OTOGL: variants seen among roughly 807,000 people sequenced by gnomAD.
OTOGL encodes the protein otogelin-like protein.
Under a neutral mutation model 318.5 loss-of-function variants are expected in OTOGL, and 285 were observed. The observed-to-expected ratio is 0.89, with a 90% CI of 0.81 to 0.99. The LOEUF (loss-of-function observed/expected upper bound fraction) is 0.99, where lower values mean the gene tolerates loss of function less well. Ranked by LOEUF, OTOGL falls within the 50% of genes least tolerant of loss-of-function variation. The probability of loss-of-function intolerance (pLI) is 0.00; values close to 1 mark genes in which losing one functional copy is unlikely to be tolerated. For synonymous variants in OTOGL, 987 were observed against 936.5 expected, an observed-to-expected ratio of 1.05 and a Z score of -0.99; for missense variants, 2,899 against 2,845.6, an observed-to-expected ratio of 1.02 and a Z score of -0.43.
chr12:80,110,383 C>T (rs1869764890), intron 1 of OTOGL, among the ~76,000 whole-genome samples: 1 of 152,060 alleles, frequency 6.6e-6, no homozygotes, highest in Admixed American at 6.6e-5. Flanking sequence ...AGGTATTTCT[C>T]CTAATGCTAT....
rs753442888 is a variant in OTOGL, at chr12:80,355,763, G to A, written c.5621G>A (p.Arg1874His). The A allele has an allele frequency of 6.8e-6, 11 of 1,613,570 alleles. No homozygotes were observed. The highest frequency in any genetic ancestry group is 1.7e-5 in the Admixed American group (1 of 59,946). ...CACTDSEDQP[R>H]TAGEIWNGGI... Reference sequence around the variant, plus strand: ...TGCACTGATAGTGAAGACCAACCCCGCACTGCTGGGGAGATTTGGAATGGG... The same window carrying A: ...TGCACTGATAGTGAAGACCAACCCCACACTGCTGGGGAGATTTGGAATGGG... The change falls in exon 47 of 59, where the codon CGC becomes CAC. Residue 1874 changes from arginine to histidine, a missense_variant. Arg to His is a conservative substitution (Grantham distance 29). Transcript: ENST00000547103.
At chr12:80,109,636 G>A (rs1869705237) in intron 1 of OTOGL, among the ~76,000 whole-genome samples, 1 of 152,152 alleles carries the variant, frequency 6.6e-6, no homozygotes, top group Admixed American at 6.5e-5. Context: ...AGGGATCCAT[G>A]TCTCTTCAAT....
intron 1 of OTOGL, among the ~76,000 whole-genome samples, chr12:80,129,116 C>A (rs752885012): frequency 3.9e-5 from 6 of 152,250 alleles, no homozygotes; most frequent in South Asian, 2.1e-4. Flanking sequence ...AGAAGTCATT[C>A]GACTTCTGCG....
intron 24 of OTOGL, among the ~76,000 whole-genome samples, chr12:80,277,892 T>C (rs1883927909): frequency 6.6e-6 from 1 of 151,504 alleles, no homozygotes; most frequent in African/African-American, 2.4e-5. Flanking sequence ...TATTAGAAAT[T>C]TAGGCTTCTG....
At position 80,123,890 on chromosome 12, in the gene OTOGL, T is replaced by G. The variant is rs539619374; in HGVS notation, c.-20+24285T>G. Among the ~76,000 whole-genome samples the G allele has an allele frequency of 7.3e-3, 1,113 of 152,220 alleles. 32 individuals carry two copies. Among genetic ancestry groups the G allele is most frequent in the East Asian group, 0.048 (249 of 5,184 alleles). On this transcript the variant is annotated intron_variant, in intron 1 of 58. Transcript: ENST00000547103. ...GCCCACTTTTTGATGGGGTTGTTTG[T>G]TTTTTTCTTGTAAATTTGTTTGAGT...
At chr12:80,307,447 CCA>C (rs1565971244) in intron 29 of OTOGL, among the ~76,000 whole-genome samples, 2 of 147,722 alleles carry the variant, frequency 1.4e-5, no homozygotes, top group African/African-American at 5.1e-5. Flanking sequence ...CTGACCCCCC[CCA>C]CCTCCCTCCT....
At position 80,353,369 on chromosome 12, in the gene OTOGL, C is replaced by T. The variant is rs772444738; in HGVS notation, c.5452C>T (p.Pro1818Ser). The change falls in exon 46 of 59, where the codon CCT (proline) becomes TCT (serine). Residue 1818 changes from proline to serine, a missense_variant. Pro to Ser is a moderately conservative substitution (Grantham distance 74). Transcript: ENST00000547103. ...EGKEYQPCVR[P>S]CEARTCLNQW... Reference sequence around the variant, plus strand: ...GAAGGAATATCAACCCTGTGTGCGACCTTGTGAAGCAAGAACATGCCTGAA... The same window carrying T: ...GAAGGAATATCAACCCTGTGTGCGATCTTGTGAAGCAAGAACATGCCTGAA... The T allele has an allele frequency of 1.2e-6, 2 of 1,600,076 alleles. No homozygotes were observed. The highest frequency in any genetic ancestry group is 1.7e-6 in the Non-Finnish European group (2 of 1,172,964).
rs776712151 is a variant in OTOGL, at chr12:80,266,404, C to T, written c.2225-47C>T. On this transcript the variant is annotated intron_variant, in intron 20 of 58. Coordinates refer to ENST00000547103, the MANE Select transcript of OTOGL (RefSeq NM_001378609.3). Reference sequence around the variant, plus strand: ...ACCTCTAAGGAGGCATAAAATGTTTCTATGTGCCATGGCAATCTTTCTCAA... The same window carrying T: ...ACCTCTAAGGAGGCATAAAATGTTTTTATGTGCCATGGCAATCTTTCTCAA... The T allele has an allele frequency of 1.1e-4, 173 of 1,592,120 alleles. 1 individual carries two copies. The highest frequency in any genetic ancestry group is 1.7e-5 in the Admixed American group (1 of 59,054).
intron 28 of OTOGL, 62 bp from the exon 29 acceptor site, chr12:80,305,514 T>C: frequency 7.9e-7 from 1 of 1,267,576 alleles, no homozygotes; most frequent in African/African-American, 1.5e-5. Flanking sequence ...TTTTAATGAA[T>C]ATGAGTCTTT....
In OTOGL at chr12:80,265,209, T is replaced by G; in HGVS notation, c.2223T>G (p.Cys741Trp). Residue 741 changes from cysteine (C) to tryptophan (W), a missense_variant and splice_region_variant, in exon 20 of 59, where the codon TGT (cysteine) becomes TGG (tryptophan). By Grantham distance (215) the Cys-to-Trp change is radical. This residue lies in a region of OTOGL where 2,607 missense variants were observed against 2,524.9 expected (regional missense o/e 1.03). Transcript: ENST00000547103. ...PIDFRTQISF[C>W]AVVCQKGMLY... ...ATTTCAGAACTCAGATTTCTTTCTG[T>G]GGTGAGTACAATGGCACAGATAAAG... 6.2e-7 allele frequency: 1 copy of G among 1,612,150 alleles called. No individual in the cohort carries two copies. Among genetic ancestry groups the G allele is most frequent in the Non-Finnish European group, 8.5e-7 (1 of 1,178,706 alleles).
At chr12:80,266,710 AT>A in intron 21 of OTOGL, 94 bp downstream of exon 21, 1 of 1,261,624 alleles carries the variant, frequency 7.9e-7, no homozygotes, top group Non-Finnish European at 1.1e-6. Flanking sequence ...TGAAAAAAAT[AT>A]TTCTTATTGT....
chr12:80,307,666 C>T (rs1201991249), intron 29 of OTOGL, among the ~76,000 whole-genome samples: 3 of 144,598 alleles, frequency 2.1e-5, no homozygotes, highest in African/African-American at 7.8e-5. Flanking sequence ...CAGAGTGGCT[C>T]CTCACTTCCC....
At chr12:80,223,177 T>C (rs1436228479) in intron 7 of OTOGL, among the ~76,000 whole-genome samples, 1 of 152,090 alleles carries the variant, frequency 6.6e-6, no homozygotes. Flanking sequence ...GGCTAATGCT[T>C]TCCAATTCCA....
At chr12:80,307,691 G>T (rs1364528107) in intron 29 of OTOGL, among the ~76,000 whole-genome samples, 1 of 146,256 alleles carries the variant, frequency 6.8e-6, no homozygotes, top group Non-Finnish European at 1.5e-5. Context: ...GGGGCGGCCA[G>T]GCAGAGGCGC....
chr12:80,196,704 G>T (rs1876096890), intron 1 of OTOGL, among the ~76,000 whole-genome samples: 1 of 152,138 alleles, frequency 6.6e-6, no homozygotes, highest in Admixed American at 6.5e-5. Flanking sequence ...TCTCCCTAGG[G>T]CTCTGCTGAT....
intron 1 of OTOGL, among the ~76,000 whole-genome samples, chr12:80,149,677 C>T (rs1253398592): frequency 6.6e-6 from 1 of 152,180 alleles, no homozygotes; most frequent in Non-Finnish European, 1.5e-5. Flanking sequence ...CTCGCTGCCG[C>T]CTTGCAGTTT....
intron 1 of OTOGL, among the ~76,000 whole-genome samples, chr12:80,178,336 C>T (rs1261892972): frequency 6.6e-6 from 1 of 152,146 alleles, no homozygotes; most frequent in Admixed American, 6.5e-5. Flanking sequence ...GCTGGGATTA[C>T]AGGCATGAGC....
At chr12:80,336,869 A>G (rs764177238) in intron 41 of OTOGL, 43 bp from the exon 42 acceptor site, 3 of 1,539,036 alleles carry the variant, frequency 1.9e-6, no homozygotes, top group Admixed American at 3.9e-5. Flanking sequence ...TATCACTACA[A>G]TTGTGTTTAA....
At position 80,209,626 on chromosome 12, in the gene OTOGL, A is replaced by T. The variant is rs4842344; in HGVS notation, c.79+116A>T. 0.46 allele frequency: 269,627 copies of T among 582,352 alleles called. 66,525 individuals carry two copies. The highest frequency in any genetic ancestry group is 0.59 in the Admixed American group (18,239 of 31,112). The allele number at this position is 582,352 out of a possible 1,614,324, so 36.1% of individuals were successfully genotyped here. On this transcript the variant is annotated intron_variant, in intron 2 of 58. Coordinates refer to ENST00000547103, the MANE Select transcript of OTOGL (RefSeq NM_001378609.3). ...TGAAGTCATTAGAATGAATTGTACT[A>T]AATGATACTCAGATCACCTTTTAAA...
Sources: allele counts gnomAD v4.1 joint callset (sites outside exome capture counted in the v4.1 genomes callset), GRCh38; gene constraint gnomAD v4.1.1; regional missense constraint gnomAD v4.1.1; transcripts MANE v1.5; gene names NCBI Gene and HGNC (gene_info 2026-07-23, HGNC 2026-07-21).